The following SCG3 variants were observed in gnomAD, a reference collection of about 807,000 sequenced individuals.
SCG3 encodes secretogranin-3.
Under a neutral mutation model 56.2 loss-of-function variants are expected in SCG3, and 38 were observed. That is an observed-to-expected ratio of 0.68 (90% CI 0.52 to 0.89). The LOEUF is 0.89. Among genes scored for constraint, SCG3 ranks in the 40% least tolerant of loss-of-function variants. The probability of loss-of-function intolerance (pLI) is 0.00; values close to 1 mark genes in which losing one functional copy is unlikely to be tolerated. For synonymous variants in SCG3, 176 were observed against 184.2 expected (o/e 0.96, Z 0.36); for missense variants, 524 against 540.7 (o/e 0.97, Z 0.31).
intron 10 of SCG3, among the ~76,000 whole-genome samples, chr15:51,712,305 G>A (rs2055425581): frequency 6.6e-6 from 1 of 152,178 alleles, no homozygotes; most frequent in Non-Finnish European, 1.5e-5. Flanking sequence ...ACTGAGCTCT[G>A]CAGCTATTGC....
At chr15:51,685,761 T>C (rs151297902) in intron 4 of SCG3, among the ~76,000 whole-genome samples, 1 of 152,222 alleles carries the variant, frequency 6.6e-6, no homozygotes, top group Non-Finnish European at 1.5e-5. Context: ...GCTTGTACTA[T>C]AGGACCCATC....
intron 10 of SCG3, among the ~76,000 whole-genome samples, chr15:51,712,565 G>A (rs1186874570): frequency 6.6e-6 from 1 of 152,182 alleles, no homozygotes; most frequent in African/African-American, 2.4e-5. Flanking sequence ...TATTTCCTGT[G>A]TAGCCTTAGC....
intron 11 of SCG3, among the ~76,000 whole-genome samples, chr15:51,716,326 A>T (rs1308160813): frequency 6.6e-6 from 1 of 152,250 alleles, no homozygotes; most frequent in Non-Finnish European, 1.5e-5. Flanking sequence ...TAAAGGAATC[A>T]TCGCCTTAGG....
intron 9 of SCG3, 91 bp downstream of exon 9, chr15:51,699,493 T>C: frequency 1.1e-6 from 1 of 916,238 alleles, no homozygotes; most frequent in Non-Finnish European, 1.7e-6. Context: ...ATTTAAAAAT[T>C]ACAGATTTTG....
chr15:51,695,842 C>A, intron 7 of SCG3, 33 bp from the exon 8 acceptor site: 2 of 1,146,870 alleles, frequency 1.7e-6, no homozygotes, highest in Non-Finnish European at 2.6e-6. Flanking sequence ...AGCTATCCCC[C>A]ACAGTTTTAA....
At chr15:51,709,731 T>TTA (rs2055407072) in intron 10 of SCG3, among the ~76,000 whole-genome samples, 6 of 78,558 alleles carry the variant, frequency 7.6e-5, no homozygotes, top group Non-Finnish European at 1.2e-4. Flanking sequence ...TTTTTTTTTT[T>TTA]TTTTTTTGAG....
intron 10 of SCG3, among the ~76,000 whole-genome samples, chr15:51,710,874 G>A (rs372728469): frequency 1.9e-4 from 28 of 151,284 alleles, no homozygotes; most frequent in African/African-American, 6.3e-4. Context: ...GGGATCACAG[G>A]TGTGAGCCAC....
At chr15:51,718,890 TAAGTCAGG>T (rs200106212) in intron 11 of SCG3, among the ~76,000 whole-genome samples, 1,688 of 152,246 alleles carry the variant, frequency 0.011, 20 homozygotes, top group African/African-American at 0.025. Flanking sequence ...AAACCTAGTA[TAAGTCAGG>T]AAGTCAGGAA....
At chr15:51,714,812 T>C (rs972268987) in intron 11 of SCG3, among the ~76,000 whole-genome samples, 1 of 152,248 alleles carries the variant, frequency 6.6e-6, no homozygotes, top group Non-Finnish European at 1.5e-5. Flanking sequence ...ATTATCGATG[T>C]TCATGCATAC....
intron 6 of SCG3, among the ~76,000 whole-genome samples, chr15:51,690,868 ACTCTGTACCAAG>A (rs1477328169): frequency 6.6e-6 from 1 of 152,194 alleles, no homozygotes; most frequent in Non-Finnish European, 1.5e-5. Context: ...TTGAATACTA[ACTCTGTACCAAG>A]CACTGGAAAT....
intron 10 of SCG3, among the ~76,000 whole-genome samples, chr15:51,708,838 G>A (rs1191290508): frequency 6.7e-6 from 1 of 149,944 alleles, no homozygotes; most frequent in Non-Finnish European, 1.5e-5. Flanking sequence ...CAGCCTGGGT[G>A]ACAGAACGAG....
Position 51,686,880 on chromosome 15 carries a change from A to G in SCG3, c.398-1380A>G, listed in dbSNP as rs79873585. ...ACTCATTTTCCTAAGCTTCTTTCCA[A>G]ACAAGAAAGAGATATTCTGCCTGAG... is the stretch of plus-strand genomic sequence containing the variant. On this transcript the variant is annotated intron_variant, in intron 4 of 11. Transcript: ENST00000220478. 2.7e-3 allele frequency among the ~76,000 whole-genome samples: 418 copies of G among 152,228 alleles called. 21 individuals carry two copies. In the East Asian group the frequency reaches 0.065, roughly 24 times the overall value.
intron 10 of SCG3, among the ~76,000 whole-genome samples, chr15:51,702,262 TATTTTA>T (rs2055344530): frequency 6.6e-6 from 1 of 152,166 alleles, no homozygotes; most frequent in African/African-American, 2.4e-5. Context: ...GATTTTATTT[TATTTTA>T]TTTTTTGCAG....
chr15:51,688,327 C>T lies in SCG3; in HGVS notation c.465C>T (p.Ile155=), dbSNP rs1353201776. The T allele has an allele frequency of 8.1e-6, 13 of 1,613,718 alleles. No individual in the cohort carries two copies. Among genetic ancestry groups the T allele is most frequent in the East Asian group, 4.5e-5 (2 of 44,870 alleles). The stretch of plus-strand genomic sequence containing the variant: ...CCGCTGAAGACATTGTCCATAAAAT[C>T]GCTGCCAGGATTTATGAAGAAAATG... ...PLTAEDIVHK[I]AARIYEENDR... is the part of the protein sequence containing the mutation. The change falls in exon 5 of 12, where the codon ATC becomes ATT. Residue 155 remains isoleucine (I), a synonymous_variant. Transcript: ENST00000220478.
At chr15:51,701,822 C>T (rs1227937269) in intron 10 of SCG3, among the ~76,000 whole-genome samples, 1 of 152,034 alleles carries the variant, frequency 6.6e-6, no homozygotes, top group Non-Finnish European at 1.5e-5. Flanking sequence ...GGGAGGATCT[C>T]TTGAGTTCAG....
intron 7 of SCG3, among the ~76,000 whole-genome samples, chr15:51,694,998 T>C (rs1354800803): frequency 6.8e-6 from 1 of 147,438 alleles, no homozygotes; most frequent in Non-Finnish European, 1.5e-5. Flanking sequence ...GCCACTGCAC[T>C]CCAGCCTGGG....
At position 51,681,540 on chromosome 15, in the gene SCG3, C is replaced by G; in HGVS notation, c.-216C>G. On this transcript the variant is annotated 5_prime_UTR_variant, in exon 1 of 12. Coordinates refer to ENST00000220478, the MANE Select transcript of SCG3 (RefSeq NM_013243.4). ...GCACCCACAGGGCGGACAGCGCTCC[C>G]CTCTACCTGGAGACTTGACTCCCGC... 1.7e-6 allele frequency: 1 copy of G among 578,062 alleles called. No homozygotes were observed. The highest frequency in any genetic ancestry group is 4.7e-4 in the Middle Eastern group (1 of 2,142). 35.8% of individuals were successfully genotyped at this position (578,062 alleles called of 1,614,324 possible). A position where few individuals can be genotyped will look rare whatever the true frequency, so the allele number is the denominator to read the frequency against.
rs146664756 is a variant in SCG3 at position 51,714,697 on chromosome 15, G to A, written c.1288+1284G>A. 1.1e-3 allele frequency among the ~76,000 whole-genome samples: 169 copies of A among 152,268 alleles called. 2 individuals are homozygous for A. In the Middle Eastern group the frequency reaches 0.014, roughly 12 times the overall value. On this transcript the variant is annotated intron_variant, in intron 11 of 11. Transcript: ENST00000220478. ...TTTCAACTCCCCAGGTTATTCCAGC[G>A]TGCAGCCAAGTTTGCAAACCGCTGA... is the stretch of plus-strand genomic sequence containing the variant.
At chr15:51,718,806 C>T (rs2055476517) in intron 11 of SCG3, among the ~76,000 whole-genome samples, 1 of 151,236 alleles carries the variant, frequency 6.6e-6, no homozygotes, top group Admixed American at 6.6e-5. Context: ...TCCTTGCATA[C>T]AATTCAAACA....
Sources: gnomAD v4.1 joint callset for allele counts (sites outside exome capture counted in the v4.1 genomes callset) on GRCh38, gnomAD v4.1.1 for gene constraint, MANE v1.5 for transcripts, NCBI Gene and HGNC (gene_info 2026-07-23, HGNC 2026-07-21) for gene names.